AGBL1: variants seen among roughly 807,000 people sequenced by gnomAD.
The protein encoded by AGBL1 is cytosolic carboxypeptidase 4.
A neutral mutation model predicts 118.9 loss-of-function variants in AGBL1; 130 were observed. The observed-to-expected ratio is 1.09, with a 90% CI of 0.95 to 1.26. The LOEUF (loss-of-function observed/expected upper bound fraction) is 1.26. Among genes scored for constraint, AGBL1 ranks in the 50% most tolerant of loss-of-function variants. AGBL1 has a pLI of 0.00. For missense variants in AGBL1, 1,584 were observed against 1,298.1 expected (o/e 1.22, Z -3.38); for synonymous variants, 555 against 478.9 (o/e 1.16, Z -2.08).
At chr15:86,407,976 A>C (rs746316602) in intron 18 of AGBL1, among the ~76,000 whole-genome samples, 1 of 152,128 alleles carries the variant, frequency 6.6e-6, no homozygotes, top group Non-Finnish European at 1.5e-5. Context: ...ACTCCTCTGC[A>C]GGAGGGAGAA....
At chr15:86,434,416 C>T (rs1396030675) in intron 18 of AGBL1, among the ~76,000 whole-genome samples, 1 of 152,176 alleles carries the variant, frequency 6.6e-6, no homozygotes, top group East Asian at 1.9e-4. Context: ...AGGAAAATAG[C>T]TGAAATGCAG....
At chr15:86,230,466 T>G (rs1253539071) in intron 6 of AGBL1, among the ~76,000 whole-genome samples, 1 of 152,216 alleles carries the variant, frequency 6.6e-6, no homozygotes, top group Non-Finnish European at 1.5e-5. Flanking sequence ...CAAGTACCAG[T>G]GGATCAATGC....
intron 18 of AGBL1, among the ~76,000 whole-genome samples, chr15:86,446,034 G>T (rs961985057): frequency 2.0e-5 from 3 of 152,132 alleles, no homozygotes; most frequent in Admixed American, 6.5e-5. Flanking sequence ...GAGAGAGACT[G>T]GTAGACAGTG....
At chr15:86,585,286 A>C (rs1233346645) in intron 21 of AGBL1, among the ~76,000 whole-genome samples, 1 of 152,216 alleles carries the variant, frequency 6.6e-6, no homozygotes, top group Non-Finnish European at 1.5e-5. Flanking sequence ...TGATGGAGTC[A>C]GAAGATAGAA....
intron 24 of AGBL1, among the ~76,000 whole-genome samples, chr15:87,020,787 AC>A: frequency 1.3e-5 from 2 of 152,150 alleles, no homozygotes; most frequent in South Asian, 4.1e-4. Context: ...AATACAGCTA[AC>A]AAGGGATGTG....
chr15:86,719,464 T>C (rs981428935), intron 22 of AGBL1, among the ~76,000 whole-genome samples: 11 of 152,188 alleles, frequency 7.2e-5, no homozygotes, highest in Non-Finnish European at 1.6e-4. Flanking sequence ...AAGGTTGAAA[T>C]CTTCATCAGG....
intron 18 of AGBL1, among the ~76,000 whole-genome samples, chr15:86,487,952 T>A: frequency 6.6e-6 from 1 of 152,144 alleles, no homozygotes; most frequent in Admixed American, 6.5e-5. Flanking sequence ...GAGTTTCAAG[T>A]TCCCCTCCTT....
intron 21 of AGBL1, among the ~76,000 whole-genome samples, chr15:86,564,944 C>G (rs1480211377): frequency 6.6e-6 from 1 of 152,166 alleles, no homozygotes; most frequent in East Asian, 1.9e-4. Context: ...GCTTGTGCAT[C>G]TGTCACATAG....
intron 22 of AGBL1, among the ~76,000 whole-genome samples, chr15:86,876,082 C>A (rs1291203872): frequency 1.3e-5 from 2 of 152,160 alleles, no homozygotes; most frequent in Non-Finnish European, 2.9e-5. Context: ...ATGTAGCCAC[C>A]TCAAGTTTGA....
At chr15:86,203,393 T>C (rs1022589992) in intron 5 of AGBL1, among the ~76,000 whole-genome samples, 1 of 152,236 alleles carries the variant, frequency 6.6e-6, no homozygotes, top group Admixed American at 6.5e-5. Flanking sequence ...AAAATATTTT[T>C]ATAAGGCTAG....
At chr15:86,422,628 C>T (rs757896032) in intron 18 of AGBL1, among the ~76,000 whole-genome samples, 8 of 151,888 alleles carry the variant, frequency 5.3e-5, no homozygotes, top group Non-Finnish European at 1.2e-4. Context: ...ATGAAAAACC[C>T]TTCAAAAAAA....
At chr15:86,642,558 A>G (rs1186936208) in intron 21 of AGBL1, among the ~76,000 whole-genome samples, 2 of 151,992 alleles carry the variant, frequency 1.3e-5, no homozygotes, top group Non-Finnish European at 2.9e-5. Context: ...AGAATTTTAA[A>G]CAACATGCAA....
chr15:86,776,626 G>T (rs865847854), intron 22 of AGBL1, among the ~76,000 whole-genome samples: 55 of 149,090 alleles, frequency 3.7e-4, no homozygotes, highest in Middle Eastern at 3.4e-3. Flanking sequence ...CATTTTTGTG[G>T]TTTTTTTTTA....
chr15:86,253,498 C>T (rs985632585), intron 7 of AGBL1, among the ~76,000 whole-genome samples: 5 of 152,114 alleles, frequency 3.3e-5, no homozygotes, highest in Admixed American at 6.6e-5. Flanking sequence ...ATCCACCTGC[C>T]TCGGCCTCCC....
intron 18 of AGBL1, among the ~76,000 whole-genome samples, chr15:86,498,180 G>T (rs931908802): frequency 2.6e-5 from 4 of 151,620 alleles, no homozygotes; most frequent in Non-Finnish European, 4.4e-5. Context: ...ATTATAAATG[G>T]CTGTCTGCTT....
intron 6 of AGBL1, among the ~76,000 whole-genome samples, chr15:86,231,051 C>T (rs2078447114): frequency 6.6e-6 from 1 of 152,182 alleles, no homozygotes. Flanking sequence ...ATGTCCAGCC[C>T]TTCTTTGGGT....
chr15:86,929,360 C>T (rs1263459019), intron 23 of AGBL1, among the ~76,000 whole-genome samples: 1 of 152,158 alleles, frequency 6.6e-6, no homozygotes, highest in African/African-American at 2.4e-5. Flanking sequence ...ATCAAGGAAA[C>T]AGTTTTTTAA....
chr15:87,028,397 A>G (rs1446214288), intron 24 of AGBL1, among the ~76,000 whole-genome samples: 1 of 151,980 alleles, frequency 6.6e-6, no homozygotes, highest in Non-Finnish European at 1.5e-5. Flanking sequence ...AATTAAATTT[A>G]TTCAAGTGGC....
At chr15:86,358,352 T>C (rs1257309861) in intron 17 of AGBL1, among the ~76,000 whole-genome samples, 1 of 152,102 alleles carries the variant, frequency 6.6e-6, no homozygotes, top group Non-Finnish European at 1.5e-5. Context: ...CTGTCATGAA[T>C]GGCAGATTTC....
Sources: gnomAD v4.1 joint callset for allele counts (sites outside exome capture counted in the v4.1 genomes callset) on GRCh38, gnomAD v4.1.1 for gene constraint, MANE v1.5 for transcripts, NCBI Gene and HGNC (gene_info 2026-07-23, HGNC 2026-07-21) for gene names.